The following PTGER3 variants were observed in gnomAD, a reference collection of about 807,000 sequenced individuals.
The protein encoded by PTGER3 is prostaglandin E receptor 3.
Under a neutral mutation model 34.7 loss-of-function variants are expected in PTGER3, and 22 were observed. The ratio of observed to expected loss-of-function variants is 0.63; its 90% CI spans 0.45 to 0.91. PTGER3 has a LOEUF of 0.91. Ranked by LOEUF, PTGER3 falls within the 40% of genes least tolerant of loss-of-function variation. PTGER3 has a pLI of 0.00. For missense variants in PTGER3, 468 were observed against 519.4 expected (o/e 0.90, Z 0.96); for synonymous variants, 241 against 230.1 (o/e 1.05, Z -0.43).
Position 71,028,758 on chromosome 1 carries a change from G to T in PTGER3, c.898-16274C>A, listed in dbSNP as rs532678639. On this transcript the variant is annotated intron_variant, in intron 1 of 3. Transcript: ENST00000306666. ...TCTCTTCCATTATAAAAACAATGTT[G>T]TCTCTCTTACAGTTGTCTACCCTAA... Among the ~76,000 whole-genome samples, 39 of 151,964 alleles carry T rather than the reference G, an allele frequency of 2.6e-4. 1 individual carries two copies. The highest frequency in any genetic ancestry group is 8.9e-4 in the African/African-American group (37 of 41,440).
chr1:71,016,274 T>C lies in PTGER3; in HGVS notation c.898-3790A>G, dbSNP rs1026560734. On this transcript the variant is annotated intron_variant, in intron 1 of 3. Transcript: ENST00000306666. Reference sequence around the variant, plus strand: ...AATAAATGTTCAGAGGAGCATTATATATGCCAGCAAGAAATTGCAGACACA... The same window carrying C: ...AATAAATGTTCAGAGGAGCATTATACATGCCAGCAAGAAATTGCAGACACA... Among the ~76,000 whole-genome samples the C allele has an allele frequency of 2.0e-5, 3 of 152,190 alleles. No individual in the cohort carries two copies. The East Asian group carries it at 5.8e-4, about 29-fold the overall frequency.
downstream of PTGER3, among the ~76,000 whole-genome samples, chr1:70,951,813 A>G (rs992762769): frequency 6.6e-6 from 1 of 152,220 alleles, no homozygotes; most frequent in Non-Finnish European, 1.5e-5. Context: ...AATATAGAAA[A>G]CAAAAAGGTA....
intron 2 of PTGER3, among the ~76,000 whole-genome samples, chr1:70,955,389 C>T (rs762198790): frequency 4.6e-5 from 7 of 152,092 alleles, no homozygotes; most frequent in Non-Finnish European, 1.0e-4. Context: ...TCTCATCATT[C>T]TAGAAATAAC....
chr1:71,036,523 A>G (rs1325670569), intron 1 of PTGER3, among the ~76,000 whole-genome samples: 1 of 151,952 alleles, frequency 6.6e-6, no homozygotes, highest in African/African-American at 2.4e-5. Flanking sequence ...TCTCAAAATA[A>G]AATAAATTAA....
intron 2 of PTGER3, chr1:71,008,915 TG>T: frequency 2.0e-6 from 2 of 978,322 alleles, no homozygotes; most frequent in Non-Finnish European, 2.4e-6. Context: ...TAGAATCCTG[TG>T]TATTGCAGGA....
At chr1:70,941,007 C>T (rs921178411) in intron 4 of PTGER3, among the ~76,000 whole-genome samples, 10 of 152,104 alleles carry the variant, frequency 6.6e-5, no homozygotes, top group East Asian at 3.9e-4. Context: ...CAGAAGGGAG[C>T]GAGTTATTTG....
At chr1:71,045,910 G>T (rs1304325492) in intron 1 of PTGER3, among the ~76,000 whole-genome samples, 2 of 151,822 alleles carry the variant, frequency 1.3e-5, no homozygotes, top group African/African-American at 4.8e-5. Context: ...CATAGGTCGC[G>T]CAGTCTTTCA....
intron 4 of PTGER3, among the ~76,000 whole-genome samples, chr1:70,874,400 A>T (rs986313602): frequency 3.3e-5 from 5 of 152,268 alleles, no homozygotes; most frequent in Middle Eastern, 3.4e-3. Flanking sequence ...GCCATGGGTT[A>T]TCTTCCTTTC....
intron 2 of PTGER3, among the ~76,000 whole-genome samples, chr1:71,000,968 T>G (rs1656420142): frequency 6.6e-6 from 1 of 152,076 alleles, no homozygotes; most frequent in South Asian, 2.1e-4. Flanking sequence ...GCATATAATG[T>G]CTATAAAGTT....
intron 4 of PTGER3, among the ~76,000 whole-genome samples, chr1:70,925,250 C>A (rs1001388019): frequency 2.0e-5 from 3 of 152,208 alleles, no homozygotes; most frequent in Non-Finnish European, 4.4e-5. Context: ...GTTGATCCAC[C>A]TGCCTCAGCC....
chr1:71,024,645 C>CTTTTTTTT (rs35271200), intron 1 of PTGER3, among the ~76,000 whole-genome samples: 16 of 117,130 alleles, frequency 1.4e-4, no homozygotes, highest in Non-Finnish European at 1.5e-4. Flanking sequence ...CCTTTTCTTT[C>CTTTTTTTT]TTTTTTTTTT....
chr1:70,906,991 C>T (rs1018125148), intron 4 of PTGER3, among the ~76,000 whole-genome samples: 2 of 152,158 alleles, frequency 1.3e-5, no homozygotes, highest in African/African-American at 4.8e-5. Flanking sequence ...CCAAGTGTTT[C>T]CTCATTAATC....
In PTGER3 at chr1:71,043,812, T is replaced by A. The variant is rs1355274434; in HGVS notation, c.897+2869A>T. On this transcript the variant is annotated intron_variant, in intron 1 of 3. Coordinates refer to ENST00000306666, the MANE Select transcript of PTGER3 (RefSeq NM_198719.2). ...TCTTTTTGAAGATATTTGGAGTTTTTTTTTTGTTTTTTGTTTTTTTTTTAG... is the reference window on the plus strand; with the variant it reads ...TCTTTTTGAAGATATTTGGAGTTTTATTTTTGTTTTTTGTTTTTTTTTTAG... Among the ~76,000 whole-genome samples, 10 of 151,974 alleles carry A rather than the reference T, an allele frequency of 6.6e-5. No individual in the cohort carries two copies. The South Asian group carries it at 2.1e-3, about 32-fold the overall frequency.
chr1:71,046,444 C>T (rs1052358260), intron 1 of PTGER3, among the ~76,000 whole-genome samples: 1 of 152,196 alleles, frequency 6.6e-6, no homozygotes, highest in Non-Finnish European at 1.5e-5. Context: ...GCCCTGTGAT[C>T]TCTATGTGCT....
Position 71,047,329 on chromosome 1 carries a change from C to T in PTGER3, c.249G>A (p.Lys83=). The change falls in exon 1 of 4, where the codon AAG becomes AAA. Residue 83 remains lysine (K), a synonymous_variant. Transcript: ENST00000306666. ...VSRSYRRRES[K]RKKSFLLCIG... is the part of the protein sequence containing the mutation. ...TGCACAGCAGGAAGGACTTCTTGCG[C>T]TTGCTCTCCCGGCGCCGGTAGCTGC... is the stretch of plus-strand genomic sequence containing the variant. 6.2e-7 allele frequency: 1 copy of T among 1,606,914 alleles called. No homozygotes were observed. Among genetic ancestry groups the T allele is most frequent in the Non-Finnish European group, 8.5e-7 (1 of 1,177,422 alleles).
chr1:70,967,968 A>G (rs1396775417), downstream of PTGER3, among the ~76,000 whole-genome samples: 1 of 152,206 alleles, frequency 6.6e-6, no homozygotes, highest in Non-Finnish European at 1.5e-5. Context: ...GACGGAAGCC[A>G]AAGCTTCTAA....
At chr1:70,873,365 C>A (rs1646203568) in intron 4 of PTGER3, among the ~76,000 whole-genome samples, 1 of 152,084 alleles carries the variant, frequency 6.6e-6, no homozygotes, top group Admixed American at 6.6e-5. Flanking sequence ...GCACCCACTG[C>A]CAGAAATGGT....
chr1:70,930,513 T>C (rs1392719018), intron 4 of PTGER3, among the ~76,000 whole-genome samples: 3 of 152,204 alleles, frequency 2.0e-5, no homozygotes, highest in Admixed American at 6.5e-5. Flanking sequence ...AGTCCACTTA[T>C]GTGCTGCTGA....
chr1:70,912,215 C>A (rs1206379692), intron 4 of PTGER3, among the ~76,000 whole-genome samples: 1 of 151,982 alleles, frequency 6.6e-6, no homozygotes, highest in Non-Finnish European at 1.5e-5. Flanking sequence ...GCTTTGAACT[C>A]TGATTGCAGG....
Sources: allele counts gnomAD v4.1 joint callset (sites outside exome capture counted in the v4.1 genomes callset), GRCh38; gene constraint gnomAD v4.1.1; transcripts MANE v1.5; gene names NCBI Gene and HGNC (gene_info 2026-07-23, HGNC 2026-07-21).